Variants in SMG1 observed in about 807,000 individuals in gnomAD.
SMG1 encodes SMG1 nonsense mediated mRNA decay associated PI3K related kinase, also known as serine/threonine-protein kinase SMG1.
A neutral mutation model predicts 419.9 loss-of-function variants in SMG1; 22 were observed. The observed-to-expected ratio is 0.05, with a 90% CI of 0.04 to 0.07. The LOEUF is 0.07. Among genes scored for constraint, SMG1 ranks in the 10% least tolerant of loss-of-function variants. The probability of loss-of-function intolerance (pLI) is 1.00; values close to 1 mark genes in which losing one functional copy is unlikely to be tolerated. For synonymous variants in SMG1, 1,538 were observed against 1,553.5 expected, an observed-to-expected ratio of 0.99 and a Z score of 0.23; for missense variants, 3,185 against 4,342.0, an observed-to-expected ratio of 0.73 and a Z score of 7.49.
chr16:18,902,705 CAA>C (rs536940919), intron 1 of SMG1, among the ~76,000 whole-genome samples: 21 of 116,740 alleles, frequency 1.8e-4, no homozygotes, highest in Admixed American at 4.5e-4. Context: ...GGCCCTGTCT[CAA>C]AAAAAAAAAA....
chr16:18,923,077 T>C (rs1007042510), intron 1 of SMG1, among the ~76,000 whole-genome samples: 7 of 151,868 alleles, frequency 4.6e-5, no homozygotes, highest in East Asian at 2.0e-4. Context: ...AAGACCCTGT[T>C]CTCAAAAAAA....
chr16:18,876,374 G>C lies in SMG1; in HGVS notation c.1640C>G (p.Ala547Gly), dbSNP rs761283232. 3.1e-6 allele frequency: 5 copies of C among 1,609,618 alleles called. No individual in the cohort carries two copies. Among genetic ancestry groups the C allele is most frequent in the Non-Finnish European group, 4.2e-6 (5 of 1,178,496 alleles). The change falls in exon 13 of 63, where the codon GCT (alanine) becomes GGT (glycine). Residue 547 changes from alanine (A) to glycine (G), a missense_variant. Physicochemically the swap from Ala to Gly is moderately conservative, Grantham distance 60. Coordinates refer to ENST00000446231, the MANE Select transcript of SMG1 (RefSeq NM_015092.5). ...CAAGCTGAGCACTGCTTGATAAACAGCATGGGCTACAGCAACAACCTGAAA... is the reference window on the plus strand; with the variant it reads ...CAAGCTGAGCACTGCTTGATAAACACCATGGGCTACAGCAACAACCTGAAA... ...KEKEVVAVAH[A>G]VYQAVLSLKN...
In SMG1 at chr16:18,877,212, C is replaced by T. The variant is rs902200128; in HGVS notation, c.1539G>A (p.Thr513=). 5.7e-5 allele frequency: 88 copies of T among 1,547,816 alleles called. No homozygotes were observed. The highest frequency in any genetic ancestry group is 7.1e-5 in the Non-Finnish European group (82 of 1,150,064). The change falls in exon 12 of 63, where the codon ACG becomes ACA. Residue 513 remains threonine, a synonymous_variant. Transcript: ENST00000446231. ...LLTLIVEQIN[T]KLPSSFVEKL... ...TTTCTACAAATGATGATGGCAGTTT[C>T]GTATTTATCTGTTCAACAATCTAAA...
Position 18,885,532 on chromosome 16 carries a change from G to C in SMG1, c.948+9C>G. 3 of 1,595,934 alleles carry C rather than the reference G, an allele frequency of 1.9e-6. No homozygotes were observed. The South Asian group carries it at 3.3e-5, about 18-fold the overall frequency. On this transcript the variant is annotated intron_variant, in intron 7 of 62. Coordinates refer to ENST00000446231, the MANE Select transcript of SMG1 (RefSeq NM_015092.5). ...CCCCATGATCTGAAAAGCGGAATGA[G>C]GAACTCACCCTAAAATTAGTGCTGA...
rs1257930464 is a variant in SMG1 at position 18,869,854 on chromosome 16, C to T, written c.2633G>A (p.Gly878Glu). The T allele has an allele frequency of 6.3e-7, 1 of 1,584,138 alleles. No individual in the cohort carries two copies. The highest frequency in any genetic ancestry group is 1.3e-5 in the African/African-American group (1 of 74,496). ...TAAAAGAGTCAAAGAAATGCCTTAC[C>T]CTGTTCTATGAGAGTTCCCATACAA... ...FILYGNSHRT[G>E]KDNWLERLFY... Residue 878 changes from glycine (G) to glutamate (E), a missense_variant and splice_region_variant, in exon 19 of 63, where the codon GGG becomes GAG. Gly to Glu is a moderately conservative substitution (Grantham distance 98). Transcript: ENST00000446231.
At position 18,926,320 on chromosome 16, in the gene SMG1, C is replaced by T. The variant is rs961067025; in HGVS notation, c.-279G>A. 7 of 399,416 alleles carry T rather than the reference C, an allele frequency of 1.8e-5. No individual in the cohort carries two copies. The highest frequency in any genetic ancestry group is 1.3e-4 in the African/African-American group (6 of 46,972). 24.7% of individuals were successfully genotyped at this position (399,416 alleles called of 1,614,324 possible). A position where few individuals can be genotyped will look rare whatever the true frequency, so the allele number is the denominator to read the frequency against. On this transcript the variant is annotated 5_prime_UTR_variant, in exon 1 of 63. Coordinates refer to ENST00000446231, the MANE Select transcript of SMG1 (RefSeq NM_015092.5). ...GGGGAGGCGACGTCTTTTCCAGGGCCGTGCGCGGCCCACGTCGCCGGGGCC... is the reference window on the plus strand; with the variant it reads ...GGGGAGGCGACGTCTTTTCCAGGGCTGTGCGCGGCCCACGTCGCCGGGGCC...
chr16:18,871,084 T>A (rs749062804), intron 16 of SMG1, among the ~76,000 whole-genome samples, 196 bp from the exon 17 acceptor site: 4 of 152,202 alleles, frequency 2.6e-5, no homozygotes, highest in Admixed American at 1.3e-4. Flanking sequence ...CCACGTAATG[T>A]AACTGATGGG....
At chr16:18,858,032 A>T (rs889885077) in intron 29 of SMG1, 138 bp downstream of exon 29, 2 of 645,670 alleles carry the variant, frequency 3.1e-6, no homozygotes, top group African/African-American at 3.8e-5. Flanking sequence ...TCTCGATCGT[A>T]TTGGTGGTCA....
intron 56 of SMG1, 84 bp downstream of exon 56, chr16:18,819,418 C>T: frequency 6.8e-7 from 1 of 1,462,094 alleles, no homozygotes; most frequent in Non-Finnish European, 9.3e-7. Flanking sequence ...CTCAAGCTCC[C>T]CTAGTTACCC....
rs1015265253 is a variant in SMG1 at position 18,845,353 on chromosome 16, T to C, written c.6219+76A>G. 36 of 1,238,140 alleles carry C rather than the reference T, an allele frequency of 2.9e-5. No homozygotes were observed. The African/African-American group carries it at 4.5e-4, about 15-fold the overall frequency. The allele number at this position is 1,238,140 out of a possible 1,614,324, so 76.7% of individuals were successfully genotyped here. On this transcript the variant is annotated intron_variant, in intron 39 of 62. Transcript: ENST00000446231. ...AATCTCTTACATTCCAAGTAAGAAG[T>C]CCACTTATTGAAATTTCGTATCTCA... is the stretch of plus-strand genomic sequence containing the variant.
At chr16:18,840,004 A>G (rs879387038) in intron 41 of SMG1, 58 bp from the exon 42 acceptor site, 11 of 1,374,674 alleles carry the variant, frequency 8.0e-6, no homozygotes, top group Non-Finnish European at 1.1e-5. Context: ...AAGGAAAAAG[A>G]GTGCCTTTTG....
chr16:18,853,078 A>G (rs1267693498), intron 31 of SMG1, among the ~76,000 whole-genome samples: 1 of 152,194 alleles, frequency 6.6e-6, no homozygotes, highest in Non-Finnish European at 1.5e-5. Context: ...ATGTTTCAGC[A>G]AAGAAAACCA....
At chr16:18,837,615 A>G (rs2033658561) in intron 45 of SMG1, among the ~76,000 whole-genome samples, 172 bp from the exon 46 acceptor site, 1 of 152,228 alleles carries the variant, frequency 6.6e-6, no homozygotes, top group African/African-American at 2.4e-5. Context: ...ACACAGGCAT[A>G]AACTGACAGG....
intron 1 of SMG1, among the ~76,000 whole-genome samples, chr16:18,897,361 C>A (rs1400420064): frequency 6.6e-6 from 1 of 152,056 alleles, no homozygotes; most frequent in Non-Finnish European, 1.5e-5. Flanking sequence ...GAGGGTTAAT[C>A]AGTCAAAAAA....
At chr16:18,812,584 A>G (rs1437510943) in intron 60 of SMG1, among the ~76,000 whole-genome samples, 2 of 150,066 alleles carry the variant, frequency 1.3e-5, no homozygotes, top group East Asian at 1.9e-4. Flanking sequence ...ACACACATAT[A>G]TATACATATA....
At chr16:18,838,796 T>C (rs1596493821) in intron 42 of SMG1, 107 bp from the exon 43 acceptor site, 1 of 733,010 alleles carries the variant, frequency 1.4e-6, no homozygotes, top group Non-Finnish European at 2.3e-6. Flanking sequence ...CCTACTCCCT[T>C]ATTTTAAAAT....
chr16:18,899,733 G>A (rs2037274288), intron 1 of SMG1, among the ~76,000 whole-genome samples: 1 of 152,072 alleles, frequency 6.6e-6, no homozygotes, highest in African/African-American at 2.4e-5. Flanking sequence ...TGAATGTTAG[G>A]CTAGTTAGTT....
intron 55 of SMG1, among the ~76,000 whole-genome samples, chr16:18,821,217 GTTTCTTT>G (rs1414854301): frequency 0.037 from 1,173 of 31,656 alleles, 50 homozygotes; most frequent in African/African-American, 0.12. Context: ...TATTTAGTAT[GTTTCTTT>G]TTTTTTTTTT....
chr16:18,906,164 T>C (rs2037552866), intron 1 of SMG1, among the ~76,000 whole-genome samples: 2 of 149,084 alleles, frequency 1.3e-5, no homozygotes, highest in South Asian at 4.3e-4. Flanking sequence ...CCCCTCCCCA[T>C]ACACACATTC....
Sources: allele counts gnomAD v4.1 joint callset (sites outside exome capture counted in the v4.1 genomes callset), GRCh38; gene constraint gnomAD v4.1.1; transcripts MANE v1.5; gene names NCBI Gene and HGNC (gene_info 2026-07-23, HGNC 2026-07-21).